ACOXL: variants seen among roughly 807,000 people sequenced by gnomAD.
ACOXL encodes acyl-coenzyme A oxidase-like protein.
ACOXL carries 70 observed loss-of-function variants against 71.9 expected under a neutral mutation model. The ratio of observed to expected loss-of-function variants is 0.97; its 90% CI spans 0.80 to 1.19. The LOEUF (loss-of-function observed/expected upper bound fraction) is 1.19, where lower values mean the gene tolerates loss of function less well. Ranked by LOEUF, ACOXL falls within the 50% of genes most tolerant of loss-of-function variation. The probability of loss-of-function intolerance (pLI) is 0.00; values close to 1 mark genes in which losing one functional copy is unlikely to be tolerated. For missense variants in ACOXL, 703 were observed against 736.3 expected (o/e 0.95, Z 0.52); for synonymous variants, 253 against 281.6 (o/e 0.90, Z 1.02).
chr2:110,815,388 A>G (rs1423440143), intron 9 of ACOXL, among the ~76,000 whole-genome samples: 1 of 152,230 alleles, frequency 6.6e-6, no homozygotes, highest in Non-Finnish European at 1.5e-5. Flanking sequence ...TGTCTATTGT[A>G]TGAAATCTAT....
chr2:110,888,164 C>T (rs1338529039), intron 10 of ACOXL: 1 of 152,128 alleles, frequency 6.6e-6, no homozygotes, highest in African/African-American at 2.4e-5. Flanking sequence ...AGACCCAAAC[C>T]CAACCCCTAT....
chr2:110,847,428 G>A (rs1313091264), intron 10 of ACOXL, among the ~76,000 whole-genome samples: 1 of 152,182 alleles, frequency 6.6e-6, no homozygotes, highest in Non-Finnish European at 1.5e-5. Flanking sequence ...TTTCTAAGAA[G>A]AGCTCGTGAA....
At chr2:111,064,748 C>T (rs1035110190) in intron 16 of ACOXL, among the ~76,000 whole-genome samples, 22 of 152,154 alleles carry the variant, frequency 1.4e-4, no homozygotes, top group Admixed American at 1.2e-3. Context: ...TTTCAAAAAA[C>T]ACCATGTACA....
intron 1 of ACOXL, among the ~76,000 whole-genome samples, chr2:110,754,068 G>T (rs1253313804): frequency 7.0e-6 from 1 of 143,420 alleles, no homozygotes; most frequent in African/African-American, 2.7e-5. Context: ...GTAGTTCTGT[G>T]AATTTTTTTT....
At chr2:110,801,226 G>A (rs181894329) in intron 7 of ACOXL, among the ~76,000 whole-genome samples, 22 of 152,264 alleles carry the variant, frequency 1.4e-4, no homozygotes, top group Admixed American at 4.6e-4. Flanking sequence ...AGACGAGAGA[G>A]CACTGGGAAG....
At chr2:110,822,477 A>G (rs552294439) in intron 9 of ACOXL, among the ~76,000 whole-genome samples, 4 of 152,298 alleles carry the variant, frequency 2.6e-5, no homozygotes, top group Admixed American at 2.0e-4. Context: ...TTTATCATCT[A>G]GAGTACAGTG....
intron 17 of ACOXL, among the ~76,000 whole-genome samples, chr2:111,096,916 G>C (rs2068836082): frequency 6.6e-6 from 1 of 152,052 alleles, no homozygotes; most frequent in Non-Finnish European, 1.5e-5. Context: ...CTCCCCCTGT[G>C]GATATAGCTC....
intron 17 of ACOXL, among the ~76,000 whole-genome samples, chr2:111,096,224 A>AATTGTTATT (rs2068790270): frequency 6.9e-6 from 1 of 145,266 alleles, no homozygotes; most frequent in Non-Finnish European, 1.5e-5. Context: ...TTATTTTTAA[A>AATTGTTATT]ATTATTATTA....
chr2:110,868,561 T>C (rs904975359), intron 10 of ACOXL, among the ~76,000 whole-genome samples: 1 of 152,226 alleles, frequency 6.6e-6, no homozygotes, highest in East Asian at 1.9e-4. Context: ...ACACATCTTA[T>C]TCATTTTTCT....
At chr2:110,884,276 G>A (rs1360662300) in intron 10 of ACOXL, among the ~76,000 whole-genome samples, 11 of 152,198 alleles carry the variant, frequency 7.2e-5, no homozygotes. Context: ...TCTTAACAAG[G>A]TGTGTTTGTC....
At chr2:111,071,449 AT>A (rs2067337337) in intron 16 of ACOXL, among the ~76,000 whole-genome samples, 1 of 152,184 alleles carries the variant, frequency 6.6e-6, no homozygotes, top group African/African-American at 2.4e-5. Context: ...GCCCTTAGAA[AT>A]TGCAAAGCCA....
rs569142325 is a variant in ACOXL, at chr2:110,899,738, A to T, written c.789-9051A>T. Among the ~76,000 whole-genome samples, 85 of 152,222 alleles carry T rather than the reference A, an allele frequency of 5.6e-4. No homozygotes were observed. In the Middle Eastern group the frequency reaches 0.01, roughly 18 times the overall value. ...TTTGCATTCATTAGTATACAATTTT[A>T]AAAAAAATCTCAAGGAATCACAGTT... On this transcript the variant is annotated intron_variant, in intron 10 of 17. Coordinates refer to ENST00000439055, the MANE Select transcript of ACOXL (RefSeq NM_001142807.4).
Position 110,919,559 on chromosome 2 carries a change from T to TAA in ACOXL, c.905+10660_905+10661dup, listed in dbSNP as rs767343094. 2.1e-3 allele frequency among the ~76,000 whole-genome samples: 315 copies of TAA among 149,364 alleles called. 2 individuals carry two copies. The highest frequency in any genetic ancestry group is 7.5e-3 in the African/African-American group (308 of 40,898). On this transcript the variant is annotated intron_variant, in intron 11 of 17. Transcript: ENST00000439055. ...TACCCCAGAACTTAAACTATAATAG[T>TAA]AAAAAAATAAAAATCACACTTTGTG...
intron 9 of ACOXL, among the ~76,000 whole-genome samples, chr2:110,827,235 C>A (rs1188151048): frequency 1.3e-5 from 2 of 152,132 alleles, no homozygotes; most frequent in Non-Finnish European, 2.9e-5. Context: ...GCACTGACAC[C>A]CACATATGCC....
At chr2:110,864,711 G>A (rs1453573901) in intron 10 of ACOXL, among the ~76,000 whole-genome samples, 1 of 152,252 alleles carries the variant, frequency 6.6e-6, no homozygotes, top group Non-Finnish European at 1.5e-5. Context: ...CCTTGCCTGT[G>A]TTTTTGGGGC....
At chr2:111,049,323 G>A (rs774879622) in intron 16 of ACOXL, 35 bp downstream of exon 16, 2 of 1,535,416 alleles carry the variant, frequency 1.3e-6, no homozygotes, top group South Asian at 2.3e-5. Context: ...TTTCCTAAAG[G>A]CTCAGAGCGT....
intron 10 of ACOXL, among the ~76,000 whole-genome samples, chr2:110,866,494 A>G (rs368886671): frequency 6.6e-4 from 100 of 152,262 alleles, no homozygotes; most frequent in African/African-American, 2.2e-3. Context: ...AAGCAAGGCA[A>G]CGTGGAGCCA....
intron 7 of ACOXL, among the ~76,000 whole-genome samples, chr2:110,800,455 C>A (rs972637058): frequency 5.3e-5 from 8 of 152,112 alleles, no homozygotes; most frequent in Admixed American, 3.9e-4. Flanking sequence ...TCTGTAAAGA[C>A]TATCTTCAAA....
chr2:111,094,337 C>T (rs761533704), intron 17 of ACOXL: 8 of 152,164 alleles, frequency 5.3e-5, no homozygotes, highest in Non-Finnish European at 8.8e-5. Context: ...TTAAAACAAC[C>T]ACCACTTATT....
Sources: gnomAD v4.1 joint callset for allele counts (sites outside exome capture counted in the v4.1 genomes callset) on GRCh38, gnomAD v4.1.1 for gene constraint, MANE v1.5 for transcripts, NCBI Gene and HGNC (gene_info 2026-07-23, HGNC 2026-07-21) for gene names.